The following FHIT variants were observed in gnomAD, a reference collection of about 807,000 sequenced individuals.
FHIT encodes bis(5'-adenosyl)-triphosphatase.
FHIT carries 19 observed loss-of-function variants against 17.9 expected under a neutral mutation model. The observed-to-expected ratio is 1.06, with a 90% CI of 0.74 to 1.56. The LOEUF (loss-of-function observed/expected upper bound fraction) is 1.56, where lower values mean the gene tolerates loss of function less well. FHIT is among the 40% of genes most tolerant of loss of function. FHIT has a pLI of 0.00. For synonymous variants in FHIT, 81 were observed against 69.7 expected, an observed-to-expected ratio of 1.16 and a Z score of -0.81; for missense variants, 248 against 189.2, an observed-to-expected ratio of 1.31 and a Z score of -1.82.
At chr3:60,925,587 T>A (rs1707550820) in intron 3 of FHIT, among the ~76,000 whole-genome samples, 1 of 152,178 alleles carries the variant, frequency 6.6e-6, no homozygotes, top group Non-Finnish European at 1.5e-5. Flanking sequence ...GAACAACTGG[T>A]ACCAGCCACT....
chr3:60,352,926 TG>T (rs1699483294), intron 5 of FHIT, among the ~76,000 whole-genome samples: 1 of 152,138 alleles, frequency 6.6e-6, no homozygotes, highest in Non-Finnish European at 1.5e-5. Flanking sequence ...ATTCTCAGTG[TG>T]GGGGATTCAG....
At chr3:60,482,542 T>C (rs573828875) in intron 5 of FHIT, among the ~76,000 whole-genome samples, 1 of 152,164 alleles carries the variant, frequency 6.6e-6, no homozygotes, top group Non-Finnish European at 1.5e-5. Flanking sequence ...ACCACACAAT[T>C]ACATGGAAAT....
intron 4 of FHIT, among the ~76,000 whole-genome samples, chr3:60,637,442 T>C (rs1212220381): frequency 3.3e-5 from 5 of 152,160 alleles, no homozygotes; most frequent in Non-Finnish European, 5.9e-5. Flanking sequence ...TATATTTATT[T>C]AAAAAATAAC....
chr3:60,587,709 C>T lies in FHIT; in HGVS notation c.-17-50730G>A, dbSNP rs191186015. On this transcript the variant is annotated intron_variant, in intron 4 of 9. Transcript: ENST00000492590. Reference sequence around the variant, plus strand: ...TTATTTCTACCTCCATTACCTGCTGCTTTATTAATATAATTAACCACTATT... The same window carrying T: ...TTATTTCTACCTCCATTACCTGCTGTTTTATTAATATAATTAACCACTATT... Among the ~76,000 whole-genome samples the T allele has an allele frequency of 9.9e-5, 15 of 152,082 alleles. No individual in the cohort carries two copies. The East Asian group carries it at 1.9e-3, about 20-fold the overall frequency.
intron 3 of FHIT, among the ~76,000 whole-genome samples, chr3:60,986,435 C>A (rs547458457): frequency 1.3e-5 from 2 of 152,102 alleles, no homozygotes; most frequent in Non-Finnish European, 2.9e-5. Context: ...TTCAGTTAAA[C>A]TGGAGGAATA....
At chr3:59,765,121 G>A (rs1353893318) in intron 8 of FHIT, among the ~76,000 whole-genome samples, 1 of 152,056 alleles carries the variant, frequency 6.6e-6, no homozygotes, top group Non-Finnish European at 1.5e-5. Flanking sequence ...ATTATAGAGA[G>A]TTATAACTTC....
intron 5 of FHIT, among the ~76,000 whole-genome samples, chr3:60,481,903 C>T (rs776492546): frequency 2.0e-5 from 3 of 152,050 alleles, no homozygotes; most frequent in Non-Finnish European, 4.4e-5. Flanking sequence ...GAGTCAAGAC[C>T]CATCAGTGTG....
intron 5 of FHIT, among the ~76,000 whole-genome samples, chr3:60,072,912 C>A (rs1407847999): frequency 6.6e-6 from 1 of 152,154 alleles, no homozygotes; most frequent in Non-Finnish European, 1.5e-5. Context: ...CTTCTCTGGA[C>A]CCCACACCCA....
intron 5 of FHIT, among the ~76,000 whole-genome samples, chr3:60,188,169 C>G (rs924835998): frequency 6.7e-6 from 1 of 149,028 alleles, no homozygotes; most frequent in Non-Finnish European, 1.5e-5. Context: ...CAGACTCTAA[C>G]AGGTGTCTAT....
chr3:60,190,745 C>A (rs1025292153), intron 5 of FHIT, among the ~76,000 whole-genome samples: 2 of 151,642 alleles, frequency 1.3e-5, no homozygotes, highest in African/African-American at 4.8e-5. Context: ...GCACATGTAC[C>A]CTAAAACTTA....
chr3:60,849,463 T>TATAA (rs1169667916), intron 3 of FHIT, among the ~76,000 whole-genome samples: 9 of 144,960 alleles, frequency 6.2e-5, no homozygotes, highest in East Asian at 5.9e-4. Flanking sequence ...TATATATATA[T>TATAA]AAAATTATTA....
At position 60,545,523 on chromosome 3, in the gene FHIT, T is replaced by C. The variant is rs143642796; in HGVS notation, c.-17-8544A>G. Among the ~76,000 whole-genome samples the C allele has an allele frequency of 4.8e-3, 726 of 152,326 alleles. 8 individuals carry two copies. The highest frequency in any genetic ancestry group is 0.016 in the African/African-American group (680 of 41,580). ...TATATATTGCCGTGAAAGTATTCCA[T>C]TAGCTCTATCTCTCACCTACTGTGC... On this transcript the variant is annotated intron_variant, in intron 4 of 9. Transcript: ENST00000492590.
At chr3:59,854,476 G>C (rs933585826) in intron 8 of FHIT, among the ~76,000 whole-genome samples, 6 of 152,122 alleles carry the variant, frequency 3.9e-5, no homozygotes, top group East Asian at 1.9e-4. Flanking sequence ...ATTCTACCTC[G>C]TGAAGTGTCA....
rs776742490 is a variant in FHIT, at chr3:60,173,884, AATAT to A, written c.104-159736_104-159733del. Among the ~76,000 whole-genome samples, 266 of 30,514 alleles carry A rather than the reference AATAT, an allele frequency of 8.7e-3. 14 individuals carry two copies. The highest frequency in any genetic ancestry group is 9.9e-3 in the Non-Finnish European group (182 of 18,388). The allele number at this position is 30,514 out of a possible 152,430, so 20.0% of individuals were successfully genotyped here. ...GGTGCTAAACTATCTCCATGTTTCTAATATATATATATATATATATATATATATA... is the reference window on the plus strand; with the variant it reads ...GGTGCTAAACTATCTCCATGTTTCTAATATATATATATATATATATATATA... On this transcript the variant is annotated intron_variant, in intron 5 of 9. Transcript: ENST00000492590.
chr3:60,550,427 G>C (rs911267601), intron 4 of FHIT, among the ~76,000 whole-genome samples: 1 of 152,038 alleles, frequency 6.6e-6, no homozygotes, highest in Admixed American at 6.6e-5. Flanking sequence ...TTTATACAAA[G>C]AGAATTTTTT....
intron 7 of FHIT, among the ~76,000 whole-genome samples, chr3:59,981,856 G>A (rs529912389): frequency 1.3e-5 from 2 of 152,080 alleles, no homozygotes; most frequent in South Asian, 4.2e-4. Context: ...AGTCTGATGT[G>A]GTTAATTTAA....
intron 5 of FHIT, among the ~76,000 whole-genome samples, chr3:60,502,756 G>A (rs1056384220): frequency 5.3e-5 from 8 of 152,130 alleles, no homozygotes; most frequent in Non-Finnish European, 1.0e-4. Flanking sequence ...TATGACTATA[G>A]TAAAAGCCAT....
At chr3:60,841,573 C>T (rs1702724974) in intron 3 of FHIT, among the ~76,000 whole-genome samples, 1 of 152,200 alleles carries the variant, frequency 6.6e-6, no homozygotes, top group Admixed American at 6.5e-5. Flanking sequence ...AGACACTGGA[C>T]AAATAACAGA....
chr3:60,023,566 G>A lies in FHIT; in HGVS notation c.104-9414C>T, dbSNP rs1329949138. ...TTCCCTCAGATCTTCCATATAGCTG[G>A]CCAAGCCAATGGAGCAACCAGACAA... On this transcript the variant is annotated intron_variant, in intron 5 of 9. Coordinates refer to ENST00000492590, the MANE Select transcript of FHIT (RefSeq NM_002012.4). Among the ~76,000 whole-genome samples, 4 of 152,230 alleles carry A rather than the reference G, an allele frequency of 2.6e-5. No individual in the cohort carries two copies. In the East Asian group the frequency reaches 5.8e-4, roughly 22 times the overall value.
Sources: gnomAD v4.1 joint callset for allele counts (sites outside exome capture counted in the v4.1 genomes callset) on GRCh38, gnomAD v4.1.1 for gene constraint, MANE v1.5 for transcripts, NCBI Gene and HGNC (gene_info 2026-07-23, HGNC 2026-07-21) for gene names.